NKAIN3: variants seen among roughly 807,000 people sequenced by gnomAD.
NKAIN3 encodes the protein sodium/potassium-transporting ATPase subunit beta-1-interacting protein 3.
In NKAIN3, 25 loss-of-function variants were observed where a neutral mutation model predicts 30.2. That is an observed-to-expected ratio of 0.83 (90% CI 0.60 to 1.16). The LOEUF (loss-of-function observed/expected upper bound fraction) is 1.16, where lower values mean the gene tolerates loss of function less well. NKAIN3 is among the 50% of genes most tolerant of loss of function. NKAIN3 has a pLI of 0.00. For synonymous variants in NKAIN3, 91 were observed against 89.6 expected, an observed-to-expected ratio of 1.02 and a Z score of -0.09; for missense variants, 225 against 254.1, an observed-to-expected ratio of 0.89 and a Z score of 0.78.
At position 62,306,577 on chromosome 8, in the gene NKAIN3, T is replaced by TTG. The variant is rs1554665633; in HGVS notation, c.54+57460_54+57461dup. 2.8e-3 allele frequency among the ~76,000 whole-genome samples: 349 copies of TTG among 123,742 alleles called. 29 individuals are homozygous for TTG. Among genetic ancestry groups the TTG allele is most frequent in the African/African-American group, 8.2e-3 (254 of 30,926 alleles). The allele number at this position is 123,742 out of a possible 152,430, so 81.2% of individuals were successfully genotyped here. On this transcript the variant is annotated intron_variant, in intron 1 of 6. Transcript: ENST00000623646. ...GTGTGTGTGTGTGTGTGTGTGTGTG[T>TTG]TGTGTGTGTGTTTAGTTTATGTGTG...
chr8:62,357,839 T>C (rs1247456398), intron 1 of NKAIN3, among the ~76,000 whole-genome samples: 2 of 152,184 alleles, frequency 1.3e-5, no homozygotes, highest in Non-Finnish European at 2.9e-5. Context: ...ACTCTTAAAA[T>C]TGTAGTAAGT....
At chr8:62,678,602 A>G (rs891678252) in intron 3 of NKAIN3, among the ~76,000 whole-genome samples, 1 of 151,752 alleles carries the variant, frequency 6.6e-6, no homozygotes, top group South Asian at 2.1e-4. Context: ...CATTTCAAAC[A>G]TATTAGTACC....
chr8:62,529,062 T>A (rs2129827488), intron 1 of NKAIN3, among the ~76,000 whole-genome samples: 1 of 152,274 alleles, frequency 6.6e-6, no homozygotes, highest in Non-Finnish European at 1.5e-5. Context: ...CTCAATCTTT[T>A]TCTTCTTTAT....
chr8:62,438,751 T>C (rs1295966347), intron 1 of NKAIN3, among the ~76,000 whole-genome samples: 2 of 152,130 alleles, frequency 1.3e-5, no homozygotes, highest in Non-Finnish European at 2.9e-5. Flanking sequence ...TTGGTGGAGA[T>C]GGGGTTTCAC....
At chr8:62,908,092 C>G (rs1333080645) in intron 4 of NKAIN3, among the ~76,000 whole-genome samples, 1 of 152,194 alleles carries the variant, frequency 6.6e-6, no homozygotes, top group Non-Finnish European at 1.5e-5. Flanking sequence ...CATGGGAACC[C>G]CCTCCCTTGC....
At chr8:62,764,053 G>A (rs1158550864) in intron 4 of NKAIN3, among the ~76,000 whole-genome samples, 1 of 152,206 alleles carries the variant, frequency 6.6e-6, no homozygotes, top group African/African-American at 2.4e-5. Context: ...GGTTTGGAAT[G>A]TTTCCAGTTG....
In NKAIN3 at chr8:62,619,413, G is replaced by A. The variant is rs566503515; in HGVS notation, c.273+29619G>A. On this transcript the variant is annotated intron_variant, in intron 3 of 6. Transcript: ENST00000623646. ...CTCCACAACCTCTAATCATAACCCA[G>A]ACATTCCTTTCTATTGATAATAACT... Among the ~76,000 whole-genome samples, 118 of 152,120 alleles carry A rather than the reference G, an allele frequency of 7.8e-4. 1 individual carries two copies. The highest frequency in any genetic ancestry group is 1.6e-3 in the Non-Finnish European group (107 of 68,032).
chr8:62,380,354 C>T (rs1817235687), intron 1 of NKAIN3, among the ~76,000 whole-genome samples: 1 of 152,214 alleles, frequency 6.6e-6, no homozygotes, highest in Admixed American at 6.5e-5. Context: ...CTCTGTCCCT[C>T]ATGGAATGTC....
chr8:62,396,357 A>G (rs1817764821), intron 1 of NKAIN3, among the ~76,000 whole-genome samples: 1 of 152,196 alleles, frequency 6.6e-6, no homozygotes, highest in Non-Finnish European at 1.5e-5. Context: ...CCCGGTGCCT[A>G]AGCCTATACT....
chr8:62,548,261 T>C (rs1809079781), intron 1 of NKAIN3, among the ~76,000 whole-genome samples: 1 of 152,218 alleles, frequency 6.6e-6, no homozygotes, highest in African/African-American at 2.4e-5. Context: ...ACTGAAAATA[T>C]ATTCAGTATT....
intron 1 of NKAIN3, among the ~76,000 whole-genome samples, chr8:62,268,738 C>G (rs957258458): frequency 6.6e-6 from 1 of 152,010 alleles, no homozygotes; most frequent in African/African-American, 2.4e-5. Flanking sequence ...CATTGCTGGC[C>G]GATAAACAGA....
chr8:62,509,307 G>T (rs996154987), intron 1 of NKAIN3, among the ~76,000 whole-genome samples: 1 of 151,884 alleles, frequency 6.6e-6, no homozygotes, highest in Non-Finnish European at 1.5e-5. Flanking sequence ...ATCCTGTTTT[G>T]CTGTCTTATA....
chr8:62,829,703 G>A (rs943277404), intron 4 of NKAIN3, among the ~76,000 whole-genome samples: 1 of 151,192 alleles, frequency 6.6e-6, no homozygotes, highest in South Asian at 2.1e-4. Flanking sequence ...GATTAACAAG[G>A]CTAAATTTAT....
chr8:62,749,726 A>G (rs1486201518), intron 4 of NKAIN3, among the ~76,000 whole-genome samples: 1 of 128,202 alleles, frequency 7.8e-6, no homozygotes, highest in African/African-American at 2.9e-5. Flanking sequence ...CTTGTTGCCC[A>G]GGCTGGAGCG....
intron 2 of NKAIN3, among the ~76,000 whole-genome samples, chr8:62,583,046 A>G (rs1810355633): frequency 6.6e-6 from 1 of 152,180 alleles, no homozygotes; most frequent in Admixed American, 6.5e-5. Flanking sequence ...TTAATGGTGA[A>G]TCACTCTCTG....
intron 1 of NKAIN3, among the ~76,000 whole-genome samples, chr8:62,518,601 T>C (rs1414772032): frequency 6.6e-6 from 1 of 152,192 alleles, no homozygotes; most frequent in Non-Finnish European, 1.5e-5. Flanking sequence ...GATTTCATCA[T>C]GATTTAAACA....
chr8:62,277,220 T>C (rs540219565), intron 1 of NKAIN3, among the ~76,000 whole-genome samples: 155 of 152,310 alleles, frequency 1.0e-3, no homozygotes, highest in African/African-American at 3.5e-3. Context: ...AAAGAGTTAT[T>C]GGGTAGGAAA....
chr8:62,869,478 A>G (rs1820524940), intron 4 of NKAIN3, among the ~76,000 whole-genome samples: 1 of 152,216 alleles, frequency 6.6e-6, no homozygotes, highest in African/African-American at 2.4e-5. Context: ...GAAAGATGAA[A>G]TATTAGAAGA....
At chr8:62,317,047 T>C (rs1465117124) in intron 1 of NKAIN3, among the ~76,000 whole-genome samples, 1 of 152,220 alleles carries the variant, frequency 6.6e-6, no homozygotes, top group East Asian at 1.9e-4. Context: ...CATTTTTTCA[T>C]GTGTCTTTTG....
Sources: allele counts gnomAD v4.1 joint callset (sites outside exome capture counted in the v4.1 genomes callset), GRCh38; gene constraint gnomAD v4.1.1; transcripts MANE v1.5; gene names NCBI Gene and HGNC (gene_info 2026-07-23, HGNC 2026-07-21).